The following TIAM1 variants were observed in gnomAD, a reference collection of about 807,000 sequenced individuals.
TIAM1 encodes rho guanine nucleotide exchange factor TIAM1.
Under a neutral mutation model 163.5 loss-of-function variants are expected in TIAM1, and 65 were observed. The ratio of observed to expected loss-of-function variants is 0.40; its 90% confidence interval spans 0.33 to 0.49. The LOEUF (loss-of-function observed/expected upper bound fraction) is 0.49, where lower values mean the gene tolerates loss of function less well. TIAM1 is among the 20% of genes least tolerant of loss of function. TIAM1 has a pLI of 0.77. For synonymous variants in TIAM1, 833 were observed against 810.1 expected (o/e 1.03, Z -0.48); for missense variants, 1,789 against 2,044.7 (o/e 0.87, Z 2.41).
chr21:31,202,128 A>G (rs978674828), intron 12 of TIAM1, among the ~76,000 whole-genome samples: 18 of 152,330 alleles, frequency 1.2e-4, no homozygotes, highest in African/African-American at 4.1e-4. Context: ...AGACTAGGAC[A>G]TAGATGGCAG....
At chr21:31,465,240 CTTATT>C (rs1022835751) in intron 1 of TIAM1, among the ~76,000 whole-genome samples, 3 of 151,702 alleles carry the variant, frequency 2.0e-5, no homozygotes, top group African/African-American at 4.8e-5. Flanking sequence ...CTAATATATT[CTTATT>C]TTATTTTATT....
chr21:31,360,253 T>C (rs2076386497), intron 2 of TIAM1, among the ~76,000 whole-genome samples: 1 of 151,904 alleles, frequency 6.6e-6, no homozygotes, highest in Non-Finnish European at 1.5e-5. Context: ...ATAAAGATAA[T>C]TTAAGACGGA....
intron 1 of TIAM1, among the ~76,000 whole-genome samples, chr21:31,552,048 CTTTTTTTTTT>C (rs200300720): frequency 9.7e-4 from 78 of 80,162 alleles, no homozygotes; most frequent in African/African-American, 4.2e-3. Context: ...CTCTGCACTA[CTTTTTTTTTT>C]TTTTTTTTTT....
At chr21:31,259,123 C>CT (rs2072296642) in intron 4 of TIAM1, among the ~76,000 whole-genome samples, 11 of 135,690 alleles carry the variant, frequency 8.1e-5, no homozygotes, top group African/African-American at 3.1e-4. Context: ...GGAATGTGAT[C>CT]TTCTTTTTTT....
At position 31,210,622 on chromosome 21, in the gene TIAM1, A is replaced by AG. The variant is rs2086714449; in HGVS notation, c.2218-408_2218-407insC. Among the ~76,000 whole-genome samples, 12 of 13,892 alleles carry AG rather than the reference A, an allele frequency of 8.6e-4. 1 individual carries two copies. Among genetic ancestry groups the AG allele is most frequent in the Middle Eastern group, 0.026 (1 of 38 alleles). 9.1% of individuals were successfully genotyped at this position (13,892 alleles called of 152,430 possible). Reference sequence around the variant, plus strand: ...AGAAAGAAGGAAGGAAGGGAGAAAGAAAGAAAGAAAGAAAGAAAGAAAGAA... The same window carrying AG: ...AGAAAGAAGGAAGGAAGGGAGAAAGAGAAGAAAGAAAGAAAGAAAGAAAGAA... On this transcript the variant is annotated intron_variant, in intron 10 of 27. Coordinates refer to ENST00000541036, the MANE Select transcript of TIAM1 (RefSeq NM_001353694.2).
intron 1 of TIAM1, among the ~76,000 whole-genome samples, chr21:31,504,952 AATTAGCAAGTACCTTCAACAAATTTGTT>A (rs1226749167): frequency 6.6e-6 from 1 of 152,192 alleles, no homozygotes; most frequent in Non-Finnish European, 1.5e-5. Flanking sequence ...CTTTTAAAGA[AATTAGCAAGTACCTTCAACAAATTTGTT>A]ATTAGCCTCT....
intron 1 of TIAM1, among the ~76,000 whole-genome samples, chr21:31,516,834 G>A (rs548017072): frequency 1.3e-4 from 19 of 151,718 alleles, no homozygotes; most frequent in Non-Finnish European, 1.3e-4. Flanking sequence ...GGCAGATCAC[G>A]AGGTCAGGAG....
intron 14 of TIAM1, among the ~76,000 whole-genome samples, chr21:31,185,433 ATAT>A (rs1324360188): frequency 6.9e-6 from 1 of 145,524 alleles, no homozygotes; most frequent in Non-Finnish European, 1.5e-5. Flanking sequence ...TTATATAATT[ATAT>A]ATAATTATAT....
At chr21:31,297,551 C>T (rs1428646733) in intron 2 of TIAM1, among the ~76,000 whole-genome samples, 5 of 152,150 alleles carry the variant, frequency 3.3e-5, no homozygotes, top group East Asian at 1.9e-4. Flanking sequence ...CCTGCCACAA[C>T]GCACGGCTAA....
chr21:31,459,383 G>A (rs2045239534), intron 2 of TIAM1, among the ~76,000 whole-genome samples: 1 of 152,140 alleles, frequency 6.6e-6, no homozygotes, highest in African/African-American at 2.4e-5. Flanking sequence ...TGTGGAGAAT[G>A]GACATTATGC....
chr21:31,467,055 T>C (rs952662170), intron 1 of TIAM1, among the ~76,000 whole-genome samples: 7 of 150,898 alleles, frequency 4.6e-5, no homozygotes, highest in African/African-American at 1.7e-4. Flanking sequence ...ACTAACAGAA[T>C]TACTAAACTA....
chr21:31,456,602 T>C, intron 2 of TIAM1, among the ~76,000 whole-genome samples: 1 of 143,854 alleles, frequency 7.0e-6, no homozygotes, highest in East Asian at 2.0e-4. Flanking sequence ...GTTGATCAAC[T>C]TTCATGTTTT....
chr21:31,480,541 G>A (rs140358561), intron 1 of TIAM1, among the ~76,000 whole-genome samples: 135 of 152,268 alleles, frequency 8.9e-4, no homozygotes, highest in African/African-American at 3.1e-3. Context: ...AAATAGCACA[G>A]ACAAGAAAGA....
intron 1 of TIAM1, among the ~76,000 whole-genome samples, chr21:31,504,056 G>A (rs1208187168): frequency 6.6e-6 from 1 of 152,072 alleles, no homozygotes; most frequent in African/African-American, 2.4e-5. Flanking sequence ...GCCAATCCCT[G>A]CCCAACCTTA....
At position 31,311,780 on chromosome 21, in the gene TIAM1, T is replaced by C. The variant is rs895285977; in HGVS notation, c.-189+27463A>G. 2.6e-5 allele frequency among the ~76,000 whole-genome samples: 4 copies of C among 152,300 alleles called. No individual in the cohort carries two copies. In the South Asian group the frequency reaches 8.3e-4, roughly 32 times the overall value. On this transcript the variant is annotated intron_variant, in intron 2 of 27. Coordinates refer to ENST00000541036, the MANE Select transcript of TIAM1 (RefSeq NM_001353694.2). ...TGATTGGATTGAGGGATGCAAAATA[T>C]TGTTCTGGGTGCGTCTGTGAGGGTG...
chr21:31,487,048 C>G (rs779775008), intron 1 of TIAM1, among the ~76,000 whole-genome samples: 2 of 152,164 alleles, frequency 1.3e-5, no homozygotes, highest in African/African-American at 2.4e-5. Flanking sequence ...CTGGAGGTCA[C>G]GCCTAGCTTC....
chr21:31,343,291 C>A (rs185745421), intron 1 of TIAM1, among the ~76,000 whole-genome samples: 45 of 152,278 alleles, frequency 3.0e-4, no homozygotes, highest in Non-Finnish European at 3.5e-4. Flanking sequence ...GCCCAGTGAC[C>A]AGCTCCAGAC....
At chr21:31,312,039 A>C (rs1194119030) in intron 2 of TIAM1, among the ~76,000 whole-genome samples, 2 of 152,206 alleles carry the variant, frequency 1.3e-5, no homozygotes, top group Non-Finnish European at 2.9e-5. Flanking sequence ...TCTTGGACTT[A>C]CACCAGTGAT....
intron 20 of TIAM1, among the ~76,000 whole-genome samples, chr21:31,144,198 G>A (rs1201342317): frequency 6.6e-6 from 1 of 152,194 alleles, no homozygotes. Flanking sequence ...TGGGAAGAGT[G>A]GCCGACTGGC....
Sources: allele counts gnomAD v4.1 joint callset (sites outside exome capture counted in the v4.1 genomes callset), GRCh38; gene constraint gnomAD v4.1.1; transcripts MANE v1.5; gene names NCBI Gene and HGNC (gene_info 2026-07-23, HGNC 2026-07-21).